Variants in RTL6 observed in about 807,000 individuals in gnomAD.
RTL6 encodes the protein retrotransposon Gag like 6.
A neutral mutation model predicts 12.4 loss-of-function variants in RTL6; 9 were observed. The ratio of observed to expected loss-of-function variants is 0.73; its 90% CI spans 0.44 to 1.27. RTL6 has a LOEUF of 1.27. Among genes scored for constraint, RTL6 ranks in the 50% most tolerant of loss-of-function variants. RTL6 has a pLI of 0.00. For synonymous variants in RTL6, 160 were observed against 142.8 expected (o/e 1.12, Z -0.86); for missense variants, 291 against 330.7 (o/e 0.88, Z 0.93).
rs184265480 is a variant in RTL6, at chr22:44,494,086, C to T, written c.*2751G>A. On this transcript the variant is annotated 3_prime_UTR_variant, in exon 2 of 2. Coordinates refer to ENST00000341255, the MANE Select transcript of RTL6 (RefSeq NM_032287.3). ...TCACTAACTCCCATCTCCAGTGATA[C>T]CCTGGTATGCACTGAAGCCTACTTA... The T allele has an allele frequency of 6.6e-6, 1 of 152,206 alleles. No homozygotes were observed. Among genetic ancestry groups the T allele is most frequent in the Non-Finnish European group, 1.5e-5 (1 of 68,052 alleles). 9.4% of individuals were successfully genotyped at this position (152,206 alleles called of 1,614,324 possible).
chr22:44,496,791 T>G lies in RTL6; in HGVS notation c.*46A>C. ...CATTTCTTCTACACAGCAAAGAGCG[T>G]ATGCTACCTGGGTGGCTGCAGACGC... On this transcript the variant is annotated 3_prime_UTR_variant, in exon 2 of 2. Coordinates refer to ENST00000341255, the MANE Select transcript of RTL6 (RefSeq NM_032287.3). 3.9e-6 allele frequency: 6 copies of G among 1,521,500 alleles called. No homozygotes were observed. The highest frequency in any genetic ancestry group is 5.3e-6 in the Non-Finnish European group (6 of 1,137,024). 94.2% of individuals were successfully genotyped at this position (1,521,500 alleles called of 1,614,324 possible). A position where few individuals can be genotyped will look rare whatever the true frequency, so the allele number is the denominator to read the frequency against.
In RTL6 at chr22:44,497,221, C is replaced by T; in HGVS notation, c.336G>A (p.Leu112=). The change falls in exon 2 of 2, where the codon TTG becomes TTA. Residue 112 remains leucine (L), a synonymous_variant. Transcript: ENST00000341255. Reference sequence around the variant, plus strand: ...TGTCCATCTGCATCAGGAACCCCGCCAACCGGCCTGGGTCCCCGGAAAAGG... The same window carrying T: ...TGTCCATCTGCATCAGGAACCCCGCTAACCGGCCTGGGTCCCCGGAAAAGG... ...PEPFSGDPGR[L]AGFLMQMDRF... is the part of the protein sequence containing the mutation. 1 of 1,614,148 alleles carries T rather than the reference C, an allele frequency of 6.2e-7. No homozygotes were observed. The highest frequency in any genetic ancestry group is 8.5e-7 in the Non-Finnish European group (1 of 1,180,022).
chr22:44,494,483 G>A lies in RTL6; in HGVS notation c.*2354C>T, dbSNP rs533688634. ...GCCCCGACCCTCTCTCATCTGCTCCGTGTTCCAAAGTGCAGGGAGCTATCA... is the reference window on the plus strand; with the variant it reads ...GCCCCGACCCTCTCTCATCTGCTCCATGTTCCAAAGTGCAGGGAGCTATCA... On this transcript the variant is annotated 3_prime_UTR_variant, in exon 2 of 2. Transcript: ENST00000341255. The A allele has an allele frequency of 5.9e-5, 9 of 152,346 alleles. No homozygotes were observed. Among genetic ancestry groups the A allele is most frequent in the Admixed American group, 2.6e-4 (4 of 15,298 alleles). The allele number at this position is 152,346 out of a possible 1,614,324, so 9.4% of individuals were successfully genotyped here.
rs1029877187 is a variant in RTL6, at chr22:44,496,743, C to G, written c.*94G>C. ...AGAGGCAAGAAGGGAGGTCTTCAAA[C>G]AGGGGCAAAGCTGTCGTATGGGCAT... On this transcript the variant is annotated 3_prime_UTR_variant, in exon 2 of 2. Transcript: ENST00000341255. 3 of 1,445,928 alleles carry G rather than the reference C, an allele frequency of 2.1e-6. 1 individual carries two copies. Among genetic ancestry groups the G allele is most frequent in the Non-Finnish European group, 2.8e-6 (3 of 1,080,292 alleles). 89.6% of individuals were successfully genotyped at this position (1,445,928 alleles called of 1,614,324 possible). A position where few individuals can be genotyped will look rare whatever the true frequency, so the allele number is the denominator to read the frequency against.
rs105248 is a variant in RTL6 at position 44,495,519 on chromosome 22, C to A, written c.*1318G>T. On this transcript the variant is annotated 3_prime_UTR_variant, in exon 2 of 2. Coordinates refer to ENST00000341255, the MANE Select transcript of RTL6 (RefSeq NM_032287.3). ...CCACAAAATGATTTCTTGGTCATCCCCCTGTGAGGAAGGATGAGGTCCTTC... is the reference window on the plus strand; with the variant it reads ...CCACAAAATGATTTCTTGGTCATCCACCTGTGAGGAAGGATGAGGTCCTTC... 1.3e-5 allele frequency: 2 copies of A among 152,466 alleles called. No homozygotes were observed. Among genetic ancestry groups the A allele is most frequent in the East Asian group, 1.9e-4 (1 of 5,170 alleles). The allele number at this position is 152,466 out of a possible 1,614,324, so 9.4% of individuals were successfully genotyped here.
Position 44,497,598 on chromosome 22 carries a change from C to A in RTL6, c.-42G>T. 6.3e-7 allele frequency: 1 copy of A among 1,597,682 alleles called. No individual in the cohort carries two copies. Among genetic ancestry groups the A allele is most frequent in the Non-Finnish European group, 8.5e-7 (1 of 1,171,868 alleles). On this transcript the variant is annotated 5_prime_UTR_variant, in exon 2 of 2. Coordinates refer to ENST00000341255, the MANE Select transcript of RTL6 (RefSeq NM_032287.3). ...CCACACGCTGAGATCCGCGGGTGGA[C>A]CAAGAGGGTGTGGTGACCAGGTGGG...
rs1924499683 is a variant in RTL6, at chr22:44,497,808, G to C, written c.-252C>G. ...CAGACGGGTGGCTGGACCTGCTCTG[G>C]GCCCTGGAGGATTAAGAAAAGATGT... On this transcript the variant is annotated 5_prime_UTR_variant, in exon 2 of 2. Transcript: ENST00000341255. 9.4e-6 allele frequency: 5 copies of C among 529,120 alleles called. No homozygotes were observed. In the South Asian group the frequency reaches 1.4e-4, roughly 15 times the overall value. 32.8% of individuals were successfully genotyped at this position (529,120 alleles called of 1,614,324 possible). A position where few individuals can be genotyped will look rare whatever the true frequency, so the allele number is the denominator to read the frequency against.
rs929969631 is a variant in RTL6 at position 44,494,616 on chromosome 22, T to C, written c.*2221A>G. On this transcript the variant is annotated 3_prime_UTR_variant, in exon 2 of 2. Coordinates refer to ENST00000341255, the MANE Select transcript of RTL6 (RefSeq NM_032287.3). ...AACAAAGGTGGAGCAGCTGCTTGGA[T>C]TGGGTGCCCATAGGCAGAGGGCCCG... 1.3e-5 allele frequency: 2 copies of C among 152,558 alleles called. No individual in the cohort carries two copies. Among genetic ancestry groups the C allele is most frequent in the African/African-American group, 4.8e-5 (2 of 41,432 alleles). 9.5% of individuals were successfully genotyped at this position (152,558 alleles called of 1,614,324 possible).
rs1265757808 is a variant in RTL6 at position 44,497,534 on chromosome 22, T to A, written c.23A>T (p.Lys8Ile). The A allele has an allele frequency of 5.6e-6, 9 of 1,613,878 alleles. No individual in the cohort carries two copies. In the East Asian group the frequency reaches 2.0e-4, roughly 36 times the overall value. Reference sequence around the variant, plus strand: ...CGCTGCCAAGGCTGGGCTTTCAGCTTTGGACGTCTGCGGCTGCACCATGCT... The same window carrying A: ...CGCTGCCAAGGCTGGGCTTTCAGCTATGGACGTCTGCGGCTGCACCATGCT... Reference protein sequence around the residue: MVQPQTSKAESPALAASP... With the variant: MVQPQTSIAESPALAASP... Residue 8 changes from lysine (K) to isoleucine (I), a missense_variant, in exon 2 of 2, where the codon AAA becomes ATA. By Grantham distance (102) the Lys-to-Ile change is moderately radical (BLOSUM62 -3). Coordinates refer to ENST00000341255, the MANE Select transcript of RTL6 (RefSeq NM_032287.3).
In RTL6 at chr22:44,496,255, A is replaced by G. The variant is rs131163; in HGVS notation, c.*582T>C. 0.54 allele frequency: 82,727 copies of G among 152,482 alleles called. 23,069 individuals are homozygous for G. Among genetic ancestry groups the G allele is most frequent in the African/African-American group, 0.67 (27,770 of 41,502 alleles). The allele number at this position is 152,482 out of a possible 1,614,324, so 9.4% of individuals were successfully genotyped here. On this transcript the variant is annotated 3_prime_UTR_variant, in exon 2 of 2. Coordinates refer to ENST00000341255, the MANE Select transcript of RTL6 (RefSeq NM_032287.3). ...ATGGCAGAACTACGCTCCTTGCAGC[A>G]ACCACTCGACCACTACAGCACAGAT...
At position 44,494,034 on chromosome 22, in the gene RTL6, A is replaced by G. The variant is rs1330231768; in HGVS notation, c.*2803T>C. The G allele has an allele frequency of 6.6e-6, 1 of 152,170 alleles. No homozygotes were observed. The highest frequency in any genetic ancestry group is 1.5e-5 in the Non-Finnish European group (1 of 68,060). 9.4% of individuals were successfully genotyped at this position (152,170 alleles called of 1,614,324 possible). A position where few individuals can be genotyped will look rare whatever the true frequency, so the allele number is the denominator to read the frequency against. Reference sequence around the variant, plus strand: ...GACATTAAGTTAGTCCCAGGGTCACACTATACTAGGCCAGGGAGTCACCCC... The same window carrying G: ...GACATTAAGTTAGTCCCAGGGTCACGCTATACTAGGCCAGGGAGTCACCCC... On this transcript the variant is annotated 3_prime_UTR_variant, in exon 2 of 2. Transcript: ENST00000341255.
In RTL6 at chr22:44,497,172, G is replaced by C. The variant is rs765259404; in HGVS notation, c.385C>G (p.Arg129Gly). Residue 129 changes from arginine to glycine, a missense_variant, in exon 2 of 2, where the codon CGC becomes GGC. Coordinates refer to ENST00000341255, the MANE Select transcript of RTL6 (RefSeq NM_032287.3). ...ACACGCTCGGCCTCACCCGGGAAGCGGGAGGCCTGGAAGATCATGAATCTG... is the reference window on the plus strand; with the variant it reads ...ACACGCTCGGCCTCACCCGGGAAGCCGGAGGCCTGGAAGATCATGAATCTG... ...MDRFMIFQAS[R>G]FPGEAERVAF... The C allele has an allele frequency of 3.1e-6, 5 of 1,613,918 alleles. No individual in the cohort carries two copies. The highest frequency in any genetic ancestry group is 3.4e-6 in the Non-Finnish European group (4 of 1,179,830).
Position 44,497,764 on chromosome 22 carries a change from A to G in RTL6, c.-208T>C, listed in dbSNP as rs1043608854. Reference sequence around the variant, plus strand: ...GTCCCACGCGGCTCCTTTACTGCAGACTTCGCGGACTACGGAGCCAGACGG... The same window carrying G: ...GTCCCACGCGGCTCCTTTACTGCAGGCTTCGCGGACTACGGAGCCAGACGG... On this transcript the variant is annotated 5_prime_UTR_variant, in exon 2 of 2. Coordinates refer to ENST00000341255, the MANE Select transcript of RTL6 (RefSeq NM_032287.3). The G allele has an allele frequency of 6.4e-6, 4 of 625,400 alleles. No individual in the cohort carries two copies. The African/African-American group carries it at 7.4e-5, about 12-fold the overall frequency. 38.7% of individuals were successfully genotyped at this position (625,400 alleles called of 1,614,324 possible). A position where few individuals can be genotyped will look rare whatever the true frequency, so the allele number is the denominator to read the frequency against.
Position 44,497,158 on chromosome 22 carries a change from C to T in RTL6, c.399G>A (p.Glu133=). 6.2e-7 allele frequency: 1 copy of T among 1,613,876 alleles called. No individual in the cohort carries two copies. Among genetic ancestry groups the T allele is most frequent in the Non-Finnish European group, 8.5e-7 (1 of 1,179,772 alleles). ...MIFQASRFPG[E]AERVAFLVSR... ...ACACAAGGAAGGCCACACGCTCGGC[C>T]TCACCCGGGAAGCGGGAGGCCTGGA... Residue 133 remains glutamate, a synonymous_variant, in exon 2 of 2, where the codon GAG becomes GAA. Coordinates refer to ENST00000341255, the MANE Select transcript of RTL6 (RefSeq NM_032287.3).
Position 44,496,733 on chromosome 22 carries a change from G to A in RTL6, c.*104C>T, listed in dbSNP as rs998442913. On this transcript the variant is annotated 3_prime_UTR_variant, in exon 2 of 2. Transcript: ENST00000341255. ...ACACGTCTGGAGAGGCAAGAAGGGA[G>A]GTCTTCAAACAGGGGCAAAGCTGTC... The A allele has an allele frequency of 2.6e-5, 36 of 1,359,254 alleles. No homozygotes were observed. The highest frequency in any genetic ancestry group is 1.0e-4 in the African/African-American group (7 of 68,758). 84.2% of individuals were successfully genotyped at this position (1,359,254 alleles called of 1,614,324 possible).
In RTL6 at chr22:44,497,004, G is replaced by A. The variant is rs747411845; in HGVS notation, c.553C>T (p.Arg185Trp). The A allele has an allele frequency of 2.5e-6, 4 of 1,614,002 alleles. No individual in the cohort carries two copies. The highest frequency in any genetic ancestry group is 3.4e-6 in the Non-Finnish European group (4 of 1,179,956). Reference sequence around the variant, plus strand: ...GAAGTCTTCCTGATTTGGGCGCGCCGCGCATGCCGGAGCGGAGACTTGTAG... The same window carrying A: ...GAAGTCTTCCTGATTTGGGCGCGCCACGCATGCCGGAGCGGAGACTTGTAG... ...RTYKSPLRHA[R>W]RAQIRKTSAS... Residue 185 changes from arginine (R) to tryptophan (W), a missense_variant, in exon 2 of 2, where the codon CGG becomes TGG. Around this residue, in one of 3 missense-constraint regions of RTL6, gnomAD observed 132 missense variants for 163.9 expected, o/e 0.81. Coordinates refer to ENST00000341255, the MANE Select transcript of RTL6 (RefSeq NM_032287.3).
Position 44,497,007 on chromosome 22 carries a change from C to T in RTL6, c.550G>A (p.Ala184Thr), listed in dbSNP as rs1924469328. The T allele has an allele frequency of 6.2e-7, 1 of 1,613,920 alleles. No homozygotes were observed. Among genetic ancestry groups the T allele is most frequent in the Admixed American group, 1.7e-5 (1 of 60,002 alleles). The change falls in exon 2 of 2, where the codon GCG becomes ACG. Residue 184 changes from alanine (A) to threonine (T), a missense_variant. Coordinates refer to ENST00000341255, the MANE Select transcript of RTL6 (RefSeq NM_032287.3). ...RRTYKSPLRH[A>T]RRAQIRKTSA... ...GTCTTCCTGATTTGGGCGCGCCGCG[C>T]ATGCCGGAGCGGAGACTTGTAGGTT... is the stretch of plus-strand genomic sequence containing the variant.
rs1924421272 is a variant in RTL6 at position 44,495,573 on chromosome 22, AT to A, written c.*1263del. 6.6e-6 allele frequency: 1 copy of A among 152,476 alleles called. No individual in the cohort carries two copies. Among genetic ancestry groups the A allele is most frequent in the Non-Finnish European group, 1.5e-5 (1 of 68,032 alleles). 9.4% of individuals were successfully genotyped at this position (152,476 alleles called of 1,614,324 possible). ...AGGAGGACATGCATGCCAGTGCTGC[AT>A]TGTCACCACACTAGGACCACGGCAG... On this transcript the variant is annotated 3_prime_UTR_variant, in exon 2 of 2. Coordinates refer to ENST00000341255, the MANE Select transcript of RTL6 (RefSeq NM_032287.3).
In RTL6 at chr22:44,494,805, C is replaced by G. The variant is rs135624; in HGVS notation, c.*2032G>C. The G allele has an allele frequency of 0.51, 76,571 of 151,026 alleles. 19,563 individuals are homozygous for G. Among genetic ancestry groups the G allele is most frequent in the African/African-American group, 0.55 (22,340 of 40,860 alleles). The allele number at this position is 151,026 out of a possible 1,614,324, so 9.4% of individuals were successfully genotyped here. On this transcript the variant is annotated 3_prime_UTR_variant, in exon 2 of 2. Coordinates refer to ENST00000341255, the MANE Select transcript of RTL6 (RefSeq NM_032287.3). ...CAAAAAGCCACTCGAGTAGAGTGAG[C>G]GCTGGCGACACAGCAGAGTTCCCAC...
Sources: gnomAD v4.1 joint callset for allele counts on GRCh38, gnomAD v4.1.1 for gene constraint, gnomAD v4.1.1 regional missense constraint, MANE v1.5 for transcripts, NCBI Gene and HGNC (gene_info 2026-07-23, HGNC 2026-07-21) for gene names.